CAMTA1: variants seen among roughly 807,000 people sequenced by gnomAD.
CAMTA1 encodes the protein calmodulin binding transcription activator 1, also known as calmodulin-binding transcription activator 1.
In CAMTA1, 27 loss-of-function variants were observed where a neutral mutation model predicts 170.9. That is an observed-to-expected ratio of 0.16 (90% CI 0.12 to 0.22). CAMTA1 has a LOEUF of 0.22. Ranked by LOEUF, CAMTA1 falls within the 10% of genes least tolerant of loss-of-function variation. The pLI is 1.00. For synonymous variants in CAMTA1, 833 were observed against 891.5 expected (o/e 0.93, Z 1.17); for missense variants, 1,619 against 2,217.2 (o/e 0.73, Z 5.42).
At chr1:7,074,165 C>G (rs941916941) in intron 3 of CAMTA1, among the ~76,000 whole-genome samples, 3 of 152,160 alleles carry the variant, frequency 2.0e-5, no homozygotes, top group African/African-American at 7.2e-5. Flanking sequence ...TGGGTAAATT[C>G]CCCATTTTGG....
intron 4 of CAMTA1, among the ~76,000 whole-genome samples, chr1:7,133,928 A>C (rs976695433): frequency 7.2e-5 from 11 of 152,214 alleles, no homozygotes; most frequent in Non-Finnish European, 1.6e-4. Flanking sequence ...TTAGATACCG[A>C]GGGTATGTGT....
chr1:6,977,808 T>A (rs1467373098), intron 3 of CAMTA1, among the ~76,000 whole-genome samples: 2 of 152,140 alleles, frequency 1.3e-5, no homozygotes, highest in African/African-American at 4.8e-5. Flanking sequence ...TTTTAAAAAA[T>A]TTTCCTTTGA....
At position 7,258,595 on chromosome 1, in the gene CAMTA1, C is replaced by T. The variant is rs116316265; in HGVS notation, c.438+8969C>T. Among the ~76,000 whole-genome samples, 885 of 152,238 alleles carry T rather than the reference C, an allele frequency of 5.8e-3. 8 individuals are homozygous for T. Among genetic ancestry groups the T allele is most frequent in the African/African-American group, 0.02 (845 of 41,520 alleles). The stretch of plus-strand genomic sequence containing the variant: ...TTGCAAGCATAATTTACAGCCTCAC[C>T]CAGAAACCGGGCAGGCATTGGAAGA... On this transcript the variant is annotated intron_variant, in intron 5 of 22. Coordinates refer to ENST00000303635, the MANE Select transcript of CAMTA1 (RefSeq NM_015215.4).
chr1:6,801,136 T>G (rs1643759579), intron 1 of CAMTA1, among the ~76,000 whole-genome samples: 1 of 152,190 alleles, frequency 6.6e-6, no homozygotes, highest in Non-Finnish European at 1.5e-5. Flanking sequence ...ATAGATAACT[T>G]GACCAAATTC....
intron 11 of CAMTA1, among the ~76,000 whole-genome samples, chr1:7,686,987 T>C (rs1411080798): frequency 6.6e-6 from 1 of 151,926 alleles, no homozygotes; most frequent in African/African-American, 2.4e-5. Flanking sequence ...GTGTTCAGTT[T>C]TGGTCACGTT....
Position 7,685,111 on chromosome 1 carries a change from C to G in CAMTA1, c.2914+7378C>G, listed in dbSNP as rs976640142. On this transcript the variant is annotated intron_variant, in intron 11 of 22. Coordinates refer to ENST00000303635, the MANE Select transcript of CAMTA1 (RefSeq NM_015215.4). This position sits in a 1 kb window ranked among gnomAD's most constrained non-coding sequence, Gnocchi z 5.7. Reference sequence around the variant, plus strand: ...CGTGTTTTGAGGAGTTCGCAGGCACCGTCCTGCGGTCACAGGTGGTGTGTT... The same window carrying G: ...CGTGTTTTGAGGAGTTCGCAGGCACGGTCCTGCGGTCACAGGTGGTGTGTT... 1.3e-5 allele frequency among the ~76,000 whole-genome samples: 2 copies of G among 152,098 alleles called. No individual in the cohort carries two copies. Among genetic ancestry groups the G allele is most frequent in the East Asian group, 3.9e-4 (2 of 5,190 alleles).
At chr1:7,338,819 A>G (rs1220046401) in intron 5 of CAMTA1, among the ~76,000 whole-genome samples, 1 of 152,244 alleles carries the variant, frequency 6.6e-6, no homozygotes, top group Non-Finnish European at 1.5e-5. Flanking sequence ...CCGTTCTCAC[A>G]CTGCTATAAA....
At chr1:7,530,250 C>T (rs180835675) in intron 6 of CAMTA1, among the ~76,000 whole-genome samples, 1 of 152,384 alleles carries the variant, frequency 6.6e-6, no homozygotes, top group Non-Finnish European at 1.5e-5. Flanking sequence ...CCTCCTCCCT[C>T]CTTGATACAA....
chr1:7,208,123 C>T (rs745588815), intron 4 of CAMTA1, among the ~76,000 whole-genome samples: 3 of 152,254 alleles, frequency 2.0e-5, no homozygotes, highest in South Asian at 2.1e-4. Flanking sequence ...AGGTGTAGAC[C>T]GGGCTTCCGT....
intron 4 of CAMTA1, among the ~76,000 whole-genome samples, chr1:7,112,885 G>A (rs566096445): frequency 2.0e-5 from 3 of 152,286 alleles, no homozygotes; most frequent in East Asian, 1.9e-4. Flanking sequence ...TTCCTTGCGC[G>A]GAGGTGGGGC....
At chr1:6,937,454 T>C (rs1685571719) in intron 3 of CAMTA1, among the ~76,000 whole-genome samples, 2 of 89,290 alleles carry the variant, frequency 2.2e-5, no homozygotes, top group African/African-American at 9.1e-5. Flanking sequence ...ACCATCATCA[T>C]TCACCACTTA....
Position 7,229,169 on chromosome 1 carries a change from G to A in CAMTA1, c.303-20322G>A, listed in dbSNP as rs1347581592. ...GGAGAGTGGAGGTGAGAGCAGAGGG[G>A]GCTGAGAGAGCTCTAGGGGACAGGG... On this transcript the variant is annotated intron_variant, in intron 4 of 22. Transcript: ENST00000303635. Among the ~76,000 whole-genome samples the A allele has an allele frequency of 2.6e-5, 4 of 151,810 alleles. No individual in the cohort carries two copies. In the East Asian group the frequency reaches 7.9e-4, roughly 30 times the overall value.
At chr1:7,424,457 G>T (rs1044574573) in intron 5 of CAMTA1, among the ~76,000 whole-genome samples, 1 of 151,698 alleles carries the variant, frequency 6.6e-6, no homozygotes, top group African/African-American at 2.4e-5. Flanking sequence ...GATGAGGGGG[G>T]GTGGGGGTGG....
Position 6,934,651 on chromosome 1 carries a change from G to C in CAMTA1, c.234+109441G>C, listed in dbSNP as rs1684997383. ...CCGGCAGGAGCTGCCCGAGATCCCGGGGCAAATGCCTCCCCTCCCTTCACC... is the reference window on the plus strand; with the variant it reads ...CCGGCAGGAGCTGCCCGAGATCCCGCGGCAAATGCCTCCCCTCCCTTCACC... On this transcript the variant is annotated intron_variant, in intron 3 of 22. Transcript: ENST00000303635. This position sits in a 1 kb window ranked among gnomAD's most constrained non-coding sequence, Gnocchi z 4.5. Among the ~76,000 whole-genome samples the C allele has an allele frequency of 6.6e-6, 1 of 152,098 alleles. No individual in the cohort carries two copies. The highest frequency in any genetic ancestry group is 1.5e-5 in the Non-Finnish European group (1 of 68,006).
At chr1:6,851,689 GCC>G (rs1660407442) in intron 3 of CAMTA1, among the ~76,000 whole-genome samples, 1 of 152,158 alleles carries the variant, frequency 6.6e-6, no homozygotes, top group Admixed American at 6.6e-5. Context: ...GATCAGCCTA[GCC>G]AATGTGGCAA....
At position 7,685,120 on chromosome 1, in the gene CAMTA1, G is replaced by A. The variant is rs192141860; in HGVS notation, c.2914+7387G>A. Among the ~76,000 whole-genome samples, 544 of 152,260 alleles carry A rather than the reference G, an allele frequency of 3.6e-3. 1 individual carries two copies. The highest frequency in any genetic ancestry group is 0.012 in the African/African-American group (511 of 41,552). ...AGGAGTTCGCAGGCACCGTCCTGCG[G>A]TCACAGGTGGTGTGTTTTGAGGAGT... is the stretch of plus-strand genomic sequence containing the variant. On this transcript the variant is annotated intron_variant, in intron 11 of 22. Transcript: ENST00000303635. The surrounding 1 kb of genome is among the most constrained non-coding windows in gnomAD (Gnocchi z 5.7).
intron 4 of CAMTA1, among the ~76,000 whole-genome samples, chr1:7,139,181 T>G (rs1372770736): frequency 8.3e-6 from 1 of 121,112 alleles, no homozygotes; most frequent in African/African-American, 2.8e-5. Context: ...ATATAAAATA[T>G]TTAGAAAATT....
intron 3 of CAMTA1, among the ~76,000 whole-genome samples, chr1:6,889,356 A>G (rs1674019839): frequency 6.6e-6 from 1 of 152,256 alleles, no homozygotes; most frequent in Non-Finnish European, 1.5e-5. Flanking sequence ...CTGTATTTAT[A>G]GTTTCATGGC....
At chr1:7,620,208 G>A (rs909914289) in intron 6 of CAMTA1, among the ~76,000 whole-genome samples, 1 of 152,202 alleles carries the variant, frequency 6.6e-6, no homozygotes, top group African/African-American at 2.4e-5. Context: ...ACTCCCCAAG[G>A]ACATTTGGCA....
Sources: allele counts gnomAD v4.1 joint callset (sites outside exome capture counted in the v4.1 genomes callset), GRCh38; gene constraint gnomAD v4.1.1; non-coding constraint Gnocchi (gnomAD v3.1); transcripts MANE v1.5; gene names NCBI Gene and HGNC (gene_info 2026-07-23, HGNC 2026-07-21).